The following ZNF578 variants were observed in gnomAD, a reference collection of about 807,000 sequenced individuals.
ZNF578 encodes Putative chemokine-related protein B42.
ZNF578 carries 8 observed loss-of-function variants against 8.3 expected under a neutral mutation model. That is an observed-to-expected ratio of 0.96 (90% CI 0.56 to 1.74). The LOEUF is 1.74. Among genes scored for constraint, ZNF578 ranks in the 40% most tolerant of loss-of-function variants. ZNF578 has a pLI of 0.00. For missense variants in ZNF578, 726 were observed against 707.5 expected (o/e 1.03, Z -0.30); for synonymous variants, 206 against 232.2 (o/e 0.89, Z 1.03).
intron 3 of ZNF578, among the ~76,000 whole-genome samples, chr19:52,495,289 C>A (rs960604446): frequency 1.4e-5 from 2 of 143,680 alleles, no homozygotes; most frequent in Admixed American, 7.1e-5. Flanking sequence ...GATACTACCC[C>A]CTGAGTAGCT....
At chr19:52,490,963 T>C (rs575767163) in intron 2 of ZNF578, among the ~76,000 whole-genome samples, 31 of 152,346 alleles carry the variant, frequency 2.0e-4, no homozygotes, top group African/African-American at 5.3e-4. Flanking sequence ...GTAGATATTC[T>C]GTAACTATGA....
At chr19:52,492,704 T>G (rs1599902367) in intron 3 of ZNF578, 1 of 151,730 alleles carries the variant, frequency 6.6e-6, no homozygotes, top group Non-Finnish European at 1.5e-5. Context: ...GGCCCCGCCC[T>G]CTGCCGGTTC....
intron 2 of ZNF578, chr19:52,473,390 T>C (rs1258641386): frequency 5.7e-6 from 1 of 174,336 alleles, no homozygotes; most frequent in Non-Finnish European, 1.3e-5. Flanking sequence ...ACCACACTCA[T>C]TATATTTGTA....
intron 2 of ZNF578, among the ~76,000 whole-genome samples, chr19:52,461,796 C>T (rs1360891066): frequency 6.6e-6 from 1 of 152,148 alleles, no homozygotes; most frequent in South Asian, 2.1e-4. Flanking sequence ...TAGTATTTTC[C>T]TTCCAAACTC....
intron 2 of ZNF578, among the ~76,000 whole-genome samples, chr19:52,469,187 G>A (rs764491890): frequency 5.7e-4 from 56 of 97,482 alleles, no homozygotes; most frequent in Non-Finnish European, 1.0e-3. Context: ...TTTTGACAGG[G>A]TCTCACTCTT....
rs906234343 is a variant in ZNF578 at position 52,477,348 on chromosome 19, T to C, written c.-121-13976T>C. 2.6e-5 allele frequency among the ~76,000 whole-genome samples: 4 copies of C among 152,208 alleles called. No homozygotes were observed. In the South Asian group the frequency reaches 8.3e-4, roughly 32 times the overall value. Reference sequence around the variant, plus strand: ...GTTGTGGTCTGAAATATGAATGCCCTTATTGTTTGAGGGGCCTGGGTCCAG... The same window carrying C: ...GTTGTGGTCTGAAATATGAATGCCCCTATTGTTTGAGGGGCCTGGGTCCAG... On this transcript the variant is annotated intron_variant, in intron 2 of 5. Transcript: ENST00000421239.
At chr19:52,505,912 T>C (rs1164272005) in intron 5 of ZNF578, among the ~76,000 whole-genome samples, 1 of 151,784 alleles carries the variant, frequency 6.6e-6, no homozygotes, top group Non-Finnish European at 1.5e-5. Context: ...TTGTTTTTTT[T>C]TTTGAGTCAG....
intron 2 of ZNF578, among the ~76,000 whole-genome samples, chr19:52,483,548 C>G (rs4802961): frequency 0.61 from 93,033 of 152,134 alleles, 28,571 homozygotes; most frequent in Admixed American, 0.64. Context: ...TCTGAACATC[C>G]CTTTTGGCCA....
intron 2 of ZNF578, among the ~76,000 whole-genome samples, chr19:52,484,760 C>A (rs2059339020): frequency 6.6e-6 from 1 of 151,282 alleles, no homozygotes; most frequent in Admixed American, 6.6e-5. Flanking sequence ...TTGTGACCCC[C>A]ACTCTGCCCG....
chr19:52,472,843 A>T (rs2059296300), intron 2 of ZNF578, among the ~76,000 whole-genome samples: 1 of 152,216 alleles, frequency 6.6e-6, no homozygotes, highest in African/African-American at 2.4e-5. Context: ...CTCCCAAATA[A>T]TTTTTTAAAA....
At position 52,504,739 on chromosome 19, in the gene ZNF578, A is replaced by C; in HGVS notation, c.148A>C (p.Arg50=). 6.2e-7 allele frequency: 1 copy of C among 1,614,148 alleles called. No homozygotes were observed. Among genetic ancestry groups the C allele is most frequent in the African/African-American group, 1.3e-5 (1 of 75,028 alleles). The change falls in exon 5 of 6, where the codon AGG becomes CGG. Residue 50 remains arginine (R), a synonymous_variant. Coordinates refer to ENST00000421239, the MANE Select transcript of ZNF578 (RefSeq NM_001099694.2). ...FLNPAQRALY[R]EVMLENYRNL... is the part of the protein sequence containing the mutation. The stretch of plus-strand genomic sequence containing the variant: ...GAACCCTGCGCAGAGGGCTTTGTAC[A>C]GGGAAGTGATGTTGGAGAACTACAG...
At position 52,514,358 on chromosome 19, in the gene ZNF578, A is replaced by G. The variant is rs1482250813; in HGVS notation, c.*2204A>G. 1.3e-5 allele frequency among the ~76,000 whole-genome samples: 2 copies of G among 152,186 alleles called. No individual in the cohort carries two copies. The highest frequency in any genetic ancestry group is 4.8e-5 in the African/African-American group (2 of 41,444). ...TTGCTGTTTGAAATTAGTTGCATCC[A>G]GTTCAGATCGAGGTCTGCATGCTTT... On this transcript the variant is annotated 3_prime_UTR_variant, in exon 6 of 6. Coordinates refer to ENST00000421239, the MANE Select transcript of ZNF578 (RefSeq NM_001099694.2).
In ZNF578 at chr19:52,514,445, G is replaced by T. The variant is rs2059464412; in HGVS notation, c.*2291G>T. Among the ~76,000 whole-genome samples, 1 of 152,218 alleles carries T rather than the reference G, an allele frequency of 6.6e-6. No individual in the cohort carries two copies. Among genetic ancestry groups the T allele is most frequent in the African/African-American group, 2.4e-5 (1 of 41,452 alleles). On this transcript the variant is annotated 3_prime_UTR_variant, in exon 6 of 6. Coordinates refer to ENST00000421239, the MANE Select transcript of ZNF578 (RefSeq NM_001099694.2). Reference sequence around the variant, plus strand: ...ACTACTTAAGTTTGATTGTTGCAGTGTGTACTTGGTAAAGATGTCAGTGAC... The same window carrying T: ...ACTACTTAAGTTTGATTGTTGCAGTTTGTACTTGGTAAAGATGTCAGTGAC...
At position 52,511,115 on chromosome 19, in the gene ZNF578, T is replaced by C. The variant is rs776252123; in HGVS notation, c.734T>C (p.Phe245Ser). 6.2e-7 allele frequency: 1 copy of C among 1,614,134 alleles called. No homozygotes were observed. The highest frequency in any genetic ancestry group is 8.5e-7 in the Non-Finnish European group (1 of 1,179,960). ...GGCGAAGCCTTTAATTGTAGCTCATTTGTAAGGAAACATCAGATAATCCAT... is the reference window on the plus strand; with the variant it reads ...GGCGAAGCCTTTAATTGTAGCTCATCTGTAAGGAAACATCAGATAATCCAT... Reference protein sequence around the residue: ...ETGEAFNCSSFVRKHQIIHLG... With the variant: ...ETGEAFNCSSSVRKHQIIHLG... The change falls in exon 6 of 6, where the codon TTT becomes TCT. Residue 245 changes from phenylalanine (F) to serine (S), a missense_variant. Transcript: ENST00000421239.
chr19:52,457,773 A>T (rs530893311), intron 2 of ZNF578: 2 of 152,946 alleles, frequency 1.3e-5, no homozygotes, highest in Admixed American at 6.5e-5. Context: ...GGAAAAGCAC[A>T]ATTTGAGGAG....
chr19:52,480,002 C>T (rs1309282470), intron 2 of ZNF578, among the ~76,000 whole-genome samples: 2 of 152,134 alleles, frequency 1.3e-5, no homozygotes, highest in Non-Finnish European at 2.9e-5. Flanking sequence ...CTCCGCCTCC[C>T]GGGTTCATGC....
chr19:52,487,348 T>G lies in ZNF578; in HGVS notation c.-121-3976T>G, dbSNP rs1219922870. 2.6e-5 allele frequency among the ~76,000 whole-genome samples: 4 copies of G among 152,228 alleles called. No individual in the cohort carries two copies. The South Asian group carries it at 8.3e-4, about 32-fold the overall frequency. On this transcript the variant is annotated intron_variant, in intron 2 of 5. Transcript: ENST00000421239. The stretch of plus-strand genomic sequence containing the variant: ...TTTGGGTTTAGATGAGTGGGTGAGT[T>G]CATTGGATATGATTAGTTGTGACAT...
chr19:52,485,183 A>G (rs571967801), intron 2 of ZNF578, among the ~76,000 whole-genome samples: 14 of 151,900 alleles, frequency 9.2e-5, no homozygotes, highest in South Asian at 2.1e-4. Context: ...CCTCTGGTCT[A>G]TCTTGCTTGT....
intron 5 of ZNF578, among the ~76,000 whole-genome samples, chr19:52,508,169 A>T (rs2059431881): frequency 6.6e-6 from 1 of 151,868 alleles, no homozygotes; most frequent in Non-Finnish European, 1.5e-5. Context: ...ACATGGTGAA[A>T]CCCCATTGCT....
Sources: allele counts gnomAD v4.1 joint callset (sites outside exome capture counted in the v4.1 genomes callset), GRCh38; gene constraint gnomAD v4.1.1; transcripts MANE v1.5; gene names NCBI Gene and HGNC (gene_info 2026-07-23, HGNC 2026-07-21).